CALN1: variants seen among roughly 807,000 people sequenced by gnomAD.
CALN1 encodes the protein calneuron 1, also known as calcium-binding protein 8.
CALN1 carries 17 observed loss-of-function variants against 30.6 expected under a neutral mutation model. The ratio of observed to expected loss-of-function variants is 0.56; its 90% CI spans 0.38 to 0.83. The LOEUF (loss-of-function observed/expected upper bound fraction) is 0.83, where lower values mean the gene tolerates loss of function less well. Ranked by LOEUF, CALN1 falls within the 40% of genes least tolerant of loss-of-function variation. The probability of loss-of-function intolerance (pLI) is 0.00; values close to 1 mark genes in which losing one functional copy is unlikely to be tolerated. For synonymous variants in CALN1, 156 were observed against 131.4 expected, an observed-to-expected ratio of 1.19 and a Z score of -1.28; for missense variants, 291 against 354.9, an observed-to-expected ratio of 0.82 and a Z score of 1.45.
At chr7:72,333,662 C>A (rs577612907) in intron 2 of CALN1, among the ~76,000 whole-genome samples, 67 of 148,946 alleles carry the variant, frequency 4.5e-4, no homozygotes, top group African/African-American at 1.6e-3. Context: ...TGAACCTATA[C>A]CAACATGGGT....
chr7:72,333,136 A>G (rs1158019395), intron 2 of CALN1, among the ~76,000 whole-genome samples: 1 of 152,090 alleles, frequency 6.6e-6, no homozygotes, highest in South Asian at 2.1e-4. Flanking sequence ...TTTCCTCTGC[A>G]CCAGAATACC....
At chr7:72,077,169 C>G (rs1008183927) in intron 4 of CALN1, among the ~76,000 whole-genome samples, 1 of 152,084 alleles carries the variant, frequency 6.6e-6, no homozygotes, top group Non-Finnish European at 1.5e-5. Context: ...GGACTCCATA[C>G]GTATTTGCAA....
intron 3 of CALN1, among the ~76,000 whole-genome samples, chr7:72,107,405 G>A (rs927158849): frequency 6.6e-5 from 10 of 152,188 alleles, no homozygotes; most frequent in Admixed American, 3.9e-4. Context: ...TAAGAGCATC[G>A]TGAAAACTCA....
intron 2 of CALN1, among the ~76,000 whole-genome samples, chr7:72,280,264 C>T (rs754988484): frequency 2.0e-5 from 3 of 152,162 alleles, no homozygotes; most frequent in Non-Finnish European, 2.9e-5. Flanking sequence ...CTCGGGGCCC[C>T]AAAAAGTAAA....
intron 2 of CALN1, among the ~76,000 whole-genome samples, chr7:72,346,181 G>A (rs1802631622): frequency 6.6e-6 from 1 of 151,940 alleles, no homozygotes. Flanking sequence ...AAGGTCAAAT[G>A]GTAATTTGTT....
intron 6 of CALN1, among the ~76,000 whole-genome samples, chr7:71,790,460 C>T (rs957031890): frequency 2.6e-5 from 4 of 152,092 alleles, no homozygotes; most frequent in Non-Finnish European, 5.9e-5. Flanking sequence ...TGAAGTGCAT[C>T]AAGGATCCCA....
rs954032370 is a variant in CALN1 at position 72,399,434 on chromosome 7, C to T, written c.119+3817G>A. Among the ~76,000 whole-genome samples, 4 of 152,018 alleles carry T rather than the reference C, an allele frequency of 2.6e-5. No homozygotes were observed. The South Asian group carries it at 6.3e-4, about 24-fold the overall frequency. On this transcript the variant is annotated intron_variant, in intron 2 of 6. Coordinates refer to ENST00000395275, the MANE Select transcript of CALN1 (RefSeq NM_031468.4). ...TGTAAGCGCACACCACCACCCCCAG[C>T]TAATTTTTGTATTTTTAGTAGAGAT...
intron 4 of CALN1, among the ~76,000 whole-genome samples, chr7:72,105,650 A>T (rs180756743): frequency 6.6e-6 from 1 of 151,606 alleles, no homozygotes; most frequent in African/African-American, 2.4e-5. Flanking sequence ...ACATCCACTA[A>T]GCACCACTGA....
intron 5 of CALN1, among the ~76,000 whole-genome samples, chr7:71,815,994 G>A (rs1210827860): frequency 6.6e-6 from 1 of 151,186 alleles, no homozygotes; most frequent in Non-Finnish European, 1.5e-5. Flanking sequence ...CTTCTAGGTG[G>A]AACTACAGGT....
chr7:72,033,947 G>A lies in CALN1; in HGVS notation c.389-10178C>T, dbSNP rs942782742. On this transcript the variant is annotated intron_variant, in intron 4 of 6. Transcript: ENST00000395275. ...GGGGATTGGAGAAGTCTGGATAAAA[G>A]AAAAGGGCATTTCAGATGGAACTAA... 2.6e-5 allele frequency among the ~76,000 whole-genome samples: 4 copies of A among 152,206 alleles called. No individual in the cohort carries two copies. In the East Asian group the frequency reaches 7.7e-4, roughly 29 times the overall value.
chr7:71,903,318 G>C (rs1448738799), intron 5 of CALN1, among the ~76,000 whole-genome samples: 1 of 152,094 alleles, frequency 6.6e-6, no homozygotes, highest in South Asian at 2.1e-4. Flanking sequence ...TGAAGCTATA[G>C]TAAACAAAGC....
intron 1 of CALN1, among the ~76,000 whole-genome samples, chr7:72,440,009 T>C (rs142358734): frequency 9.2e-5 from 14 of 152,312 alleles, no homozygotes; most frequent in African/African-American, 1.4e-4. Context: ...AAACCCAAAT[T>C]GTTCAAGGAT....
chr7:72,178,798 C>T (rs1464837104), intron 3 of CALN1, among the ~76,000 whole-genome samples: 1 of 151,760 alleles, frequency 6.6e-6, no homozygotes, highest in Non-Finnish European at 1.5e-5. Flanking sequence ...TTAGGAACTA[C>T]AAATGTCATT....
intron 3 of CALN1, among the ~76,000 whole-genome samples, chr7:72,262,719 T>C (rs991282768): frequency 3.3e-5 from 5 of 152,200 alleles, no homozygotes; most frequent in African/African-American, 1.2e-4. Flanking sequence ...CCATGTTGTA[T>C]ATGTACTACG....
At chr7:72,432,838 C>T (rs1808019151) in intron 1 of CALN1, among the ~76,000 whole-genome samples, 1 of 152,168 alleles carries the variant, frequency 6.6e-6, no homozygotes, top group African/African-American at 2.4e-5. Flanking sequence ...ATTTTACTGT[C>T]TTTTAAAACC....
intron 5 of CALN1, among the ~76,000 whole-genome samples, chr7:71,960,773 C>A (rs1797210375): frequency 6.6e-6 from 1 of 152,080 alleles, no homozygotes; most frequent in African/African-American, 2.4e-5. Flanking sequence ...GGTGCAAACT[C>A]CTACACCATT....
chr7:72,271,799 A>C (rs1296994243), intron 3 of CALN1, among the ~76,000 whole-genome samples: 4 of 151,668 alleles, frequency 2.6e-5, no homozygotes, highest in Non-Finnish European at 5.9e-5. Context: ...ATGGTGGTTC[A>C]TGCCTATAAT....
intron 2 of CALN1, among the ~76,000 whole-genome samples, chr7:72,397,595 T>C (rs1806046193): frequency 1.3e-5 from 2 of 152,024 alleles, no homozygotes; most frequent in African/African-American, 4.8e-5. Context: ...TGTTCCTCAA[T>C]GGGGCAGAGA....
At chr7:72,410,477 A>C (rs1585692413) in intron 1 of CALN1, among the ~76,000 whole-genome samples, 2 of 152,216 alleles carry the variant, frequency 1.3e-5, no homozygotes, top group East Asian at 3.8e-4. Flanking sequence ...TCTCTGCCCA[A>C]AACCAATTAG....
Sources: gnomAD v4.1 joint callset for allele counts (sites outside exome capture counted in the v4.1 genomes callset) on GRCh38, gnomAD v4.1.1 for gene constraint, MANE v1.5 for transcripts, NCBI Gene and HGNC (gene_info 2026-07-23, HGNC 2026-07-21) for gene names.